The following GOLGB1 variants were observed in gnomAD, a reference collection of about 807,000 sequenced individuals.
GOLGB1 encodes the protein golgin B1, also known as golgin subfamily B member 1.
Under a neutral mutation model 336.9 loss-of-function variants are expected in GOLGB1, and 174 were observed. That is an observed-to-expected ratio of 0.52 (90% CI 0.46 to 0.59). The LOEUF (loss-of-function observed/expected upper bound fraction) is 0.59, where lower values mean the gene tolerates loss of function less well. GOLGB1 is among the 20% of genes least tolerant of loss of function. The probability of loss-of-function intolerance (pLI) is 0.00; values close to 1 mark genes in which losing one functional copy is unlikely to be tolerated. For missense variants in GOLGB1, 3,331 were observed against 3,645.3 expected (o/e 0.91, Z 2.22); for synonymous variants, 1,208 against 1,289.2 (o/e 0.94, Z 1.35).
At position 121,690,807 on chromosome 3, in the gene GOLGB1, G is replaced by A. The variant is rs115378554; in HGVS notation, c.8557C>T (p.Leu2853=). 3,685 of 1,607,446 alleles carry A rather than the reference G, an allele frequency of 2.3e-3. 22 individuals are homozygous for A. Among genetic ancestry groups the A allele is most frequent in the African/African-American group, 0.011 (825 of 74,794 alleles). The change falls in exon 14 of 22, where the codon CTG becomes TTG. Residue 2853 remains leucine, a synonymous_variant. Transcript: ENST00000614479. ...MASLQNERDH[L]WNELEKFRKS... Reference sequence around the variant, plus strand: ...CGAAATTTCTCCAGCTCATTCCACAGGTGATCTCTCTCATTCTGCAGACTG... The same window carrying A: ...CGAAATTTCTCCAGCTCATTCCACAAGTGATCTCTCTCATTCTGCAGACTG...
chr3:121,710,006 T>C (rs1019413181), intron 10 of GOLGB1, among the ~76,000 whole-genome samples: 1 of 144,908 alleles, frequency 6.9e-6, no homozygotes, highest in Admixed American at 7.0e-5. Flanking sequence ...TAACCAACAT[T>C]ATGACAAAAA....
In GOLGB1 at chr3:121,676,950, A is replaced by T. The variant is rs1376065332; in HGVS notation, c.9120T>A (p.Asn3040Lys). The change falls in exon 17 of 22, where the codon AAT (asparagine) becomes AAA (lysine). Residue 3040 changes from asparagine (N) to lysine (K), a missense_variant. Asn to Lys is a moderately conservative substitution (Grantham distance 94). Coordinates refer to ENST00000614479, the MANE Select transcript of GOLGB1 (RefSeq NM_001366282.2). Reference sequence around the variant, plus strand: ...TTTGGTGAATTTCCTTTAAGCTGTCATTGAGCTGGGTCCTGAGAAGTTCTG... The same window carrying T: ...TTTGGTGAATTTCCTTTAAGCTGTCTTTGAGCTGGGTCCTGAGAAGTTCTG... Reference protein sequence around the residue: ...YETELLRTQLNDSLKEIHQKE... With the variant: ...YETELLRTQLKDSLKEIHQKE... The T allele has an allele frequency of 6.2e-7, 1 of 1,613,612 alleles. No homozygotes were observed. Among genetic ancestry groups the T allele is most frequent in the Non-Finnish European group, 8.5e-7 (1 of 1,179,634 alleles).
rs1942819661 is a variant in GOLGB1, at chr3:121,695,120, C to T, written c.5403G>A (p.Glu1801=). 1 of 1,613,550 alleles carries T rather than the reference C, an allele frequency of 6.2e-7. No individual in the cohort carries two copies. ...TACTCAGAGAGTCTTGCTCTTCAGT[C>T]TCACCTGGTATAGACTGTGTTCCCT... ...TEEGTQSIPG[E]TEEQDSLSMS... The change falls in exon 13 of 22, where the codon GAG becomes GAA. Residue 1801 remains glutamate, a synonymous_variant. Coordinates refer to ENST00000614479, the MANE Select transcript of GOLGB1 (RefSeq NM_001366282.2).
rs371828237 is a variant in GOLGB1 at position 121,691,363 on chromosome 3, C to T, written c.8001G>A (p.Leu2667=). The change falls in exon 14 of 22, where the codon TTG becomes TTA. Residue 2667 remains leucine, a synonymous_variant. Coordinates refer to ENST00000614479, the MANE Select transcript of GOLGB1 (RefSeq NM_001366282.2). ...TGGCAGCTTCCTTTTGAACACAAAC[C>T]AATTCTTCTTCCAGTTCTGCAATTC... ...QKRIAELEEE[L]VCVQKEAAKK... The T allele has an allele frequency of 1.2e-6, 2 of 1,612,906 alleles. No homozygotes were observed. Among genetic ancestry groups the T allele is most frequent in the African/African-American group, 2.7e-5 (2 of 74,818 alleles).
chr3:121,726,433 C>CCCCCAAAAAAA (rs1945608136), intron 5 of GOLGB1, among the ~76,000 whole-genome samples: 1 of 61,452 alleles, frequency 1.6e-5, no homozygotes, highest in Admixed American at 2.4e-4. Flanking sequence ...CACCCTGTCT[C>CCCCCAAAAAAA]AAAAAAAAAA....
intron 14 of GOLGB1, among the ~76,000 whole-genome samples, chr3:121,688,835 G>A (rs1391375016): frequency 2.6e-5 from 4 of 151,710 alleles, no homozygotes; most frequent in African/African-American, 9.7e-5. Context: ...CTGCCCGGCC[G>A]CGACCCCGTC....
chr3:121,698,473 C>T lies in GOLGB1; in HGVS notation c.2050G>A (p.Gly684Ser), dbSNP rs1192631539. The change falls in exon 13 of 22, where the codon GGT becomes AGT. Residue 684 changes from glycine (G) to serine (S), a missense_variant. Physicochemically the swap from Gly to Ser is moderately conservative, Grantham distance 56 (BLOSUM62 0). Transcript: ENST00000614479. ...DKSLSAVPDI[G>S]QCHQDELERL... is the part of the protein sequence containing the mutation. ...TCCAACTCATCCTGATGACACTGAC[C>T]AATATCTGGTACAGCAGAAAGGGAT... The T allele has an allele frequency of 1.2e-6, 2 of 1,613,680 alleles. No homozygotes were observed. Among genetic ancestry groups the T allele is most frequent in the African/African-American group, 1.3e-5 (1 of 75,002 alleles).
chr3:121,725,262 G>A (rs1169846335), intron 5 of GOLGB1, among the ~76,000 whole-genome samples: 4 of 152,190 alleles, frequency 2.6e-5, no homozygotes, highest in Admixed American at 6.5e-5. Flanking sequence ...TGGGAATGCT[G>A]GCTGGACTAA....
In GOLGB1 at chr3:121,681,785, T is replaced by A. The variant is rs768370919; in HGVS notation, c.8775A>T (p.Gln2925His). The A allele has an allele frequency of 4.4e-6, 7 of 1,600,384 alleles. No individual in the cohort carries two copies. The South Asian group carries it at 7.7e-5, about 18-fold the overall frequency. The change falls in exon 15 of 22, where the codon CAA becomes CAT. Residue 2925 changes from glutamine (Q) to histidine (H), a missense_variant. Gln to His is a conservative substitution (Grantham distance 24, BLOSUM62 0). Transcript: ENST00000614479. ...TTGTCTTATCTTGATACTCCTGAAG[T>A]TGAGCCTTCAGTGGATGTAACTCAG... ...EITELHPLKA[Q>H]LQEYQDKTKA...
Position 121,695,839 on chromosome 3 carries a change from T to C in GOLGB1, c.4684A>G (p.Arg1562Gly). The change falls in exon 13 of 22, where the codon AGG (arginine) becomes GGG (glycine). Residue 1562 changes from arginine (R) to glycine (G), a missense_variant. Physicochemically the swap from Arg to Gly is moderately radical, Grantham distance 125 (BLOSUM62 -2). Transcript: ENST00000614479. ...ERDKLITEMDRSLLENQSLSS... is the reference protein window; with the variant it reads ...ERDKLITEMDGSLLENQSLSS... The stretch of plus-strand genomic sequence containing the variant: ...AGACTCTGATTTTCCAATAAAGACC[T>C]GTCCATTTCTGTAATGAGTTTGTCT... 6.2e-7 allele frequency: 1 copy of C among 1,613,924 alleles called. No individual in the cohort carries two copies. Among genetic ancestry groups the C allele is most frequent in the East Asian group, 2.2e-5 (1 of 44,878 alleles).
rs1942946357 is a variant in GOLGB1 at position 121,696,366 on chromosome 3, A to G, written c.4157T>C (p.Ile1386Thr). The G allele has an allele frequency of 6.2e-7, 1 of 1,614,010 alleles. No individual in the cohort carries two copies. The highest frequency in any genetic ancestry group is 1.1e-5 in the South Asian group (1 of 91,088). The change falls in exon 13 of 22, where the codon ATT (isoleucine) becomes ACT (threonine). Residue 1386 changes from isoleucine (I) to threonine (T), a missense_variant. By Grantham distance (89) the Ile-to-Thr change is moderately conservative. Transcript: ENST00000614479. ...TTCTCTTAGATGTTCTAGGCCAGCAATTTGTAGTTGGCTGCTTTCCAATTT... is the reference window on the plus strand; with the variant it reads ...TTCTCTTAGATGTTCTAGGCCAGCAGTTTGTAGTTGGCTGCTTTCCAATTT... ...QQKLESSQLQIAGLEHLRELQ... is the reference protein window; with the variant it reads ...QQKLESSQLQTAGLEHLRELQ...
rs1480106200 is a variant in GOLGB1 at position 121,663,239 on chromosome 3, A to C, written c.*1241T>G. The C allele has an allele frequency of 6.6e-6, 1 of 152,204 alleles. No homozygotes were observed. Among genetic ancestry groups the C allele is most frequent in the Non-Finnish European group, 1.5e-5 (1 of 68,056 alleles). The allele number at this position is 152,204 out of a possible 1,614,324, so 9.4% of individuals were successfully genotyped here. ...TAATTTTATTATTTTACAGTTGTTC[A>C]GGAAACTTCCCAGGATGTTGTAACC... On this transcript the variant is annotated 3_prime_UTR_variant, in exon 22 of 22. Coordinates refer to ENST00000614479, the MANE Select transcript of GOLGB1 (RefSeq NM_001366282.2).
chr3:121,669,387 G>T (rs1487395107), intron 17 of GOLGB1, 32 bp from the exon 18 acceptor site: 2 of 1,592,188 alleles, frequency 1.3e-6, no homozygotes, highest in Non-Finnish European at 1.7e-6. Flanking sequence ...GCATCATCCT[G>T]CAGTACTGTA....
At chr3:121,744,585 C>CTCCA (rs1017913232) in intron 1 of GOLGB1, among the ~76,000 whole-genome samples, 1 of 146,004 alleles carries the variant, frequency 6.8e-6, no homozygotes, top group African/African-American at 2.6e-5. Flanking sequence ...CACCACTGCA[C>CTCCA]TCCAGCCTGG....
At position 121,691,405 on chromosome 3, in the gene GOLGB1, A is replaced by C. The variant is rs1213885187; in HGVS notation, c.7959T>G (p.Phe2653Leu). 6.2e-7 allele frequency: 1 copy of C among 1,613,858 alleles called. No homozygotes were observed. The highest frequency in any genetic ancestry group is 8.5e-7 in the Non-Finnish European group (1 of 1,179,984). The change falls in exon 14 of 22, where the codon TTT becomes TTG. Residue 2653 changes from phenylalanine to leucine, a missense_variant. Transcript: ENST00000614479. Reference protein sequence around the residue: ...EEEVHRLSALFSSSQKRIAEL... With the variant: ...EEEVHRLSALLSSSQKRIAEL... ...CTGCAATTCTCTTTTGAGAGGAGGAAAACAAAGCACTTAACCTGTGTACCT... is the reference window on the plus strand; with the variant it reads ...CTGCAATTCTCTTTTGAGAGGAGGACAACAAAGCACTTAACCTGTGTACCT...
intron 1 of GOLGB1, among the ~76,000 whole-genome samples, chr3:121,740,473 T>C (rs1478810763): frequency 6.6e-6 from 1 of 152,176 alleles, no homozygotes. Context: ...ATGGAGAAAC[T>C]GGTGAAATGT....
intron 1 of GOLGB1, among the ~76,000 whole-genome samples, chr3:121,731,691 T>C (rs907887924): frequency 6.6e-6 from 1 of 152,152 alleles, no homozygotes; most frequent in Non-Finnish European, 1.5e-5. Context: ...ATATAAACTT[T>C]GTTCAAAATG....
chr3:121,735,978 G>A (rs761362663), intron 1 of GOLGB1, among the ~76,000 whole-genome samples: 7 of 151,918 alleles, frequency 4.6e-5, no homozygotes, highest in Admixed American at 1.3e-4. Context: ...AAAAAAATGG[G>A]GTATGTGACC....
At chr3:121,748,804 T>C (rs1001672714) in intron 1 of GOLGB1, 2 of 983,712 alleles carry the variant, frequency 2.0e-6, no homozygotes, top group Non-Finnish European at 2.4e-6. Context: ...TAAATATCCC[T>C]GTCCCACTCT....
Sources: allele counts gnomAD v4.1 joint callset (sites outside exome capture counted in the v4.1 genomes callset), GRCh38; gene constraint gnomAD v4.1.1; transcripts MANE v1.5; gene names NCBI Gene and HGNC (gene_info 2026-07-23, HGNC 2026-07-21).